The following BBS9 variants were observed in gnomAD, a reference collection of about 807,000 sequenced individuals.
The protein encoded by BBS9 is Bardet-Biedl syndrome 9.
A neutral mutation model predicts 117.7 loss-of-function variants in BBS9; 89 were observed. That is an observed-to-expected ratio of 0.76 (90% CI 0.64 to 0.90). The LOEUF (loss-of-function observed/expected upper bound fraction) is 0.90, where lower values mean the gene tolerates loss of function less well. Among genes scored for constraint, BBS9 ranks in the 40% least tolerant of loss-of-function variants. The pLI, the probability that BBS9 is intolerant of heterozygous loss-of-function variation, is 0.00. For synonymous variants in BBS9, 379 were observed against 370.9 expected, an observed-to-expected ratio of 1.02 and a Z score of -0.25; for missense variants, 982 against 1,042.2, an observed-to-expected ratio of 0.94 and a Z score of 0.80.
At chr7:33,403,704 C>G (rs1184952651) in intron 19 of BBS9, among the ~76,000 whole-genome samples, 4 of 151,956 alleles carry the variant, frequency 2.6e-5, no homozygotes, top group African/African-American at 9.7e-5. Context: ...TTTTCTTAAT[C>G]CAGTCTATCA....
rs1011601001 is a variant in BBS9 at position 33,492,821 on chromosome 7, T to A, written c.2116-12642T>A. On this transcript the variant is annotated intron_variant, in intron 19 of 22. Transcript: ENST00000242067. ...TCTAGTATAGGAGTGAGTGTGTGTG[T>A]GTGTGTGTGTGTGTGTGTGTGTGTG... Among the ~76,000 whole-genome samples, 38 of 104,422 alleles carry A rather than the reference T, an allele frequency of 3.6e-4. 1 individual carries two copies. The highest frequency in any genetic ancestry group is 2.1e-3 in the South Asian group (6 of 2,794). The allele number at this position is 104,422 out of a possible 152,430, so 68.5% of individuals were successfully genotyped here.
At chr7:33,272,748 AAGC>A (rs1800023248) in intron 7 of BBS9, among the ~76,000 whole-genome samples, 1 of 152,096 alleles carries the variant, frequency 6.6e-6, no homozygotes, top group African/African-American at 2.4e-5. Flanking sequence ...TTTTTTAGGG[AAGC>A]AGATAAGTGT....
chr7:33,601,693 T>A (rs1404518044), intron 21 of BBS9, among the ~76,000 whole-genome samples: 1 of 152,088 alleles, frequency 6.6e-6, no homozygotes, highest in East Asian at 1.9e-4. Flanking sequence ...GCCTTCCGAA[T>A]TTGTGGACTT....
At chr7:33,517,991 A>G (rs1193340952) in intron 20 of BBS9, among the ~76,000 whole-genome samples, 4 of 152,210 alleles carry the variant, frequency 2.6e-5, no homozygotes, top group Admixed American at 2.6e-4. Context: ...GGCTTGCTTC[A>G]TATAACACTA....
intron 3 of BBS9, 87 bp from the exon 4 acceptor site, chr7:33,155,551 T>C: frequency 4.8e-6 from 4 of 836,946 alleles, no homozygotes; most frequent in South Asian, 1.4e-5. Context: ...GCTGTGGTTA[T>C]GAGATCTTTT....
chr7:33,368,616 A>ACACACACACACACACACACACC (rs996468631), intron 17 of BBS9, among the ~76,000 whole-genome samples: 8 of 145,696 alleles, frequency 5.5e-5, no homozygotes, highest in African/African-American at 1.8e-4. Context: ...ACACACACAC[A>ACACACACACACACACACACACC]CCCATACCCC....
intron 9 of BBS9, 24 bp from the exon 10 acceptor site, chr7:33,336,417 C>T: frequency 1.3e-6 from 2 of 1,596,200 alleles, no homozygotes; most frequent in Non-Finnish European, 1.7e-6. Flanking sequence ...AAAATTATGT[C>T]TCATTTTCTC....
In BBS9 at chr7:33,633,033, G is replaced by A. The variant is rs116023881; in HGVS notation, c.2522-2144G>A. On this transcript the variant is annotated intron_variant, in intron 21 of 21. Transcript: ENST00000671952. Reference sequence around the variant, plus strand: ...AAGCTTGGTGTGACCCAATCAGGCGGCCCAAACTAGGATTAACCAAACCAA... The same window carrying A: ...AAGCTTGGTGTGACCCAATCAGGCGACCCAAACTAGGATTAACCAAACCAA... Among the ~76,000 whole-genome samples the A allele has an allele frequency of 5.0e-3, 755 of 152,208 alleles. 6 individuals are homozygous for A. Among genetic ancestry groups the A allele is most frequent in the African/African-American group, 0.018 (736 of 41,522 alleles).
intron 9 of BBS9, among the ~76,000 whole-genome samples, chr7:33,282,201 T>G (rs1464875656): frequency 6.6e-6 from 1 of 152,220 alleles, no homozygotes; most frequent in African/African-American, 2.4e-5. Context: ...TTAAAAACTA[T>G]TATTTAAAAG....
chr7:33,273,266 A>G, intron 8 of BBS9, 71 bp downstream of exon 8: 1 of 1,408,732 alleles, frequency 7.1e-7, no homozygotes, highest in Non-Finnish European at 1.0e-6. Flanking sequence ...AAAAAGCCAC[A>G]CTCATACACA....
rs574973108 is a variant in BBS9 at position 33,226,257 on chromosome 7, A to G, written c.443-30979A>G. 1.4e-4 allele frequency among the ~76,000 whole-genome samples: 21 copies of G among 152,218 alleles called. No individual in the cohort carries two copies. The South Asian group carries it at 4.4e-3, about 32-fold the overall frequency. On this transcript the variant is annotated intron_variant, in intron 5 of 22. Coordinates refer to ENST00000242067, the MANE Select transcript of BBS9 (RefSeq NM_198428.3). ...TTTTTTTTCCAGGAGAATTTTGTCTATTAACATTGGAGATGATTTTTAATG... is the reference window on the plus strand; with the variant it reads ...TTTTTTTTCCAGGAGAATTTTGTCTGTTAACATTGGAGATGATTTTTAATG...
chr7:33,406,354 A>G (rs189749978), intron 19 of BBS9, among the ~76,000 whole-genome samples: 26 of 152,352 alleles, frequency 1.7e-4, no homozygotes, highest in Admixed American at 9.8e-4. Context: ...GATGTCTATT[A>G]GGTCTGCTTG....
chr7:33,479,126 A>T (rs558976722), intron 19 of BBS9, among the ~76,000 whole-genome samples: 7 of 152,198 alleles, frequency 4.6e-5, no homozygotes, highest in Non-Finnish European at 7.4e-5. Flanking sequence ...TTCAGGGTGT[A>T]CATGTGCAGA....
At chr7:33,175,158 G>T (rs1030034949) in intron 4 of BBS9, among the ~76,000 whole-genome samples, 1 of 152,096 alleles carries the variant, frequency 6.6e-6, no homozygotes, top group African/African-American at 2.4e-5. Flanking sequence ...ACAAAAATTA[G>T]CTGGGTGTGG....
chr7:33,351,492 C>T (rs1339959080), intron 14 of BBS9, 169 bp downstream of exon 14: 4 of 653,814 alleles, frequency 6.1e-6, no homozygotes, highest in African/African-American at 1.8e-5. Flanking sequence ...ATGAGTAGTT[C>T]GTGATAAGGC....
intron 9 of BBS9, among the ~76,000 whole-genome samples, chr7:33,334,950 T>C (rs1814987575): frequency 6.6e-6 from 1 of 152,142 alleles, no homozygotes; most frequent in Admixed American, 6.5e-5. Context: ...CTGGAGATGA[T>C]GTGTATTGGA....
At chr7:33,496,593 A>G (rs1844751899) in intron 19 of BBS9, among the ~76,000 whole-genome samples, 1 of 152,218 alleles carries the variant, frequency 6.6e-6, no homozygotes, top group Admixed American at 6.5e-5. Context: ...TTTTCTTTAC[A>G]ATATGAAGTG....
At chr7:33,508,641 G>A (rs922464155) in intron 20 of BBS9, among the ~76,000 whole-genome samples, 5 of 152,124 alleles carry the variant, frequency 3.3e-5, no homozygotes, top group Admixed American at 2.0e-4. Flanking sequence ...GTTCACTTAG[G>A]AAACACAAAT....
intron 5 of BBS9, chr7:33,243,110 G>T: frequency 2.4e-6 from 1 of 415,200 alleles, no homozygotes; most frequent in South Asian, 1.9e-5. Flanking sequence ...TCTTTCATTT[G>T]GTTCTGTTAA....
Sources: allele counts gnomAD v4.1 joint callset (sites outside exome capture counted in the v4.1 genomes callset), GRCh38; gene constraint gnomAD v4.1.1; transcripts MANE v1.5; gene names NCBI Gene and HGNC (gene_info 2026-07-23, HGNC 2026-07-21).